Variants in NGLY1 observed in about 807,000 individuals in gnomAD.
The protein encoded by NGLY1 is N-glycanase 1.
A neutral mutation model predicts 84.6 loss-of-function variants in NGLY1; 68 were observed. The observed-to-expected ratio is 0.80, with a 90% CI of 0.66 to 0.98. The LOEUF (loss-of-function observed/expected upper bound fraction) is 0.98, where lower values mean the gene tolerates loss of function less well. Ranked by LOEUF, NGLY1 falls within the 50% of genes least tolerant of loss-of-function variation. The probability of loss-of-function intolerance (pLI) is 0.00; values close to 1 mark genes in which losing one functional copy is unlikely to be tolerated. For synonymous variants in NGLY1, 280 were observed against 275.2 expected, an observed-to-expected ratio of 1.02 and a Z score of -0.17; for missense variants, 779 against 770.2, an observed-to-expected ratio of 1.01 and a Z score of -0.14.
intron 4 of NGLY1, 74 bp downstream of exon 4, chr3:25,751,024 G>T: frequency 6.9e-7 from 1 of 1,446,108 alleles, no homozygotes; most frequent in Non-Finnish European, 9.5e-7. Flanking sequence ...TCAAGGGTCA[G>T]TTGTATTTCA....
intron 6 of NGLY1, 34 bp from the exon 7 acceptor site, chr3:25,736,183 A>T: frequency 6.2e-7 from 1 of 1,602,258 alleles, no homozygotes; most frequent in Non-Finnish European, 8.5e-7. Context: ...GCAATGGAAA[A>T]AAGACAATGA....
chr3:25,732,535 TCCA>T, intron 8 of NGLY1, 52 bp from the exon 9 acceptor site: 1 of 1,404,928 alleles, frequency 7.1e-7, no homozygotes, highest in Non-Finnish European at 9.8e-7. Flanking sequence ...AATGTATAGG[TCCA>T]TCTCTAAGCA....
chr3:25,749,918 T>C, intron 4 of NGLY1: 1 of 722,150 alleles, frequency 1.4e-6, no homozygotes, highest in East Asian at 2.5e-5. Context: ...GCATGTTTTG[T>C]GTTTAAATAA....
chr3:25,770,247 T>C (rs1233196650), intron 2 of NGLY1, among the ~76,000 whole-genome samples: 1 of 152,046 alleles, frequency 6.6e-6, no homozygotes. Context: ...GCCTCCCGGG[T>C]TCTAGTGATT....
rs183216344 is a variant in NGLY1, at chr3:25,776,699, T to A, written c.246+1875A>T. On this transcript the variant is annotated intron_variant, in intron 2 of 11. Coordinates refer to ENST00000280700, the MANE Select transcript of NGLY1 (RefSeq NM_018297.4). ...ATTAATGATACTCCCATCCAATTAG[T>A]TGCTTAAACCAAAACATAGGTAAGT... is the stretch of plus-strand genomic sequence containing the variant. Among the ~76,000 whole-genome samples, 3 of 152,002 alleles carry A rather than the reference T, an allele frequency of 2.0e-5. No individual in the cohort carries two copies. The Admixed American group carries it at 2.0e-4, about 10-fold the overall frequency.
At chr3:25,722,165 C>T (rs140276534) in intron 10 of NGLY1, among the ~76,000 whole-genome samples, 2 of 151,294 alleles carry the variant, frequency 1.3e-5, no homozygotes, top group Non-Finnish European at 1.5e-5. Context: ...TTGCAGTGAG[C>T]GGGATGGTGC....
intron 1 of NGLY1, among the ~76,000 whole-genome samples, chr3:25,788,793 A>C (rs910376764): frequency 6.6e-6 from 1 of 152,266 alleles, no homozygotes. Context: ...TCACTGAATG[A>C]GGATCAACTA....
intron 2 of NGLY1, 70 bp downstream of exon 2, chr3:25,778,504 A>G (rs1325562655): frequency 2.5e-6 from 2 of 787,390 alleles, no homozygotes; most frequent in Admixed American, 2.6e-5. Flanking sequence ...TATTCAAACA[A>G]TTATTCACCA....
intron 10 of NGLY1, among the ~76,000 whole-genome samples, chr3:25,725,570 G>A (rs1403157620): frequency 6.6e-6 from 1 of 152,094 alleles, no homozygotes; most frequent in Non-Finnish European, 1.5e-5. Context: ...GAGTCTTGGG[G>A]ACTAAACCCT....
rs1478546628 is a variant in NGLY1, at chr3:25,755,617, C to G, written c.493-4354G>C. ...AACATGGTTTCATCATAGAACACAG[C>G]CAATGAAGCAAACCCACTGAAGAGA... On this transcript the variant is annotated intron_variant, in intron 3 of 11. Coordinates refer to ENST00000280700, the MANE Select transcript of NGLY1 (RefSeq NM_018297.4). The G allele has an allele frequency of 5.9e-5, 89 of 1,497,618 alleles. 2 individuals are homozygous for G. The highest frequency in any genetic ancestry group is 1.6e-5 in the Non-Finnish European group (17 of 1,077,314). The allele number at this position is 1,497,618 out of a possible 1,614,324, so 92.8% of individuals were successfully genotyped here. A position where few individuals can be genotyped will look rare whatever the true frequency, so the allele number is the denominator to read the frequency against.
chr3:25,749,363 T>C, intron 4 of NGLY1: 1 of 602,054 alleles, frequency 1.7e-6, no homozygotes, highest in Non-Finnish European at 2.9e-6. Flanking sequence ...CATGAATAAA[T>C]GAATAAATGG....
Position 25,754,167 on chromosome 3 carries a change from T to A in NGLY1, c.493-2904A>T, listed in dbSNP as rs188423834. ...TGATAATGTTCATTTACTCAAATTTTATCCTTTATTTGCTAGGTGCTGGGG... is the reference window on the plus strand; with the variant it reads ...TGATAATGTTCATTTACTCAAATTTAATCCTTTATTTGCTAGGTGCTGGGG... On this transcript the variant is annotated intron_variant, in intron 3 of 11. Transcript: ENST00000280700. Among the ~76,000 whole-genome samples, 271 of 152,370 alleles carry A rather than the reference T, an allele frequency of 1.8e-3. 2 individuals carry two copies. The highest frequency in any genetic ancestry group is 6.3e-3 in the African/African-American group (262 of 41,596).
At chr3:25,726,580 G>A (rs1705276270) in intron 10 of NGLY1, among the ~76,000 whole-genome samples, 1 of 152,090 alleles carries the variant, frequency 6.6e-6, no homozygotes, top group Non-Finnish European at 1.5e-5. Flanking sequence ...AAGGGAGAAG[G>A]GACAATATAT....
intron 10 of NGLY1, among the ~76,000 whole-genome samples, chr3:25,721,609 C>T (rs933532497): frequency 4.6e-5 from 7 of 151,582 alleles, no homozygotes; most frequent in South Asian, 4.2e-4. Flanking sequence ...ATTAGCTGGG[C>T]GTGGTGGCAG....
At position 25,755,383 on chromosome 3, in the gene NGLY1, A is replaced by C. The variant is rs1575640144; in HGVS notation, c.493-4120T>G. 3.7e-6 allele frequency: 5 copies of C among 1,362,832 alleles called. No homozygotes were observed. The Admixed American group carries it at 8.4e-5, about 23-fold the overall frequency. The allele number at this position is 1,362,832 out of a possible 1,614,324, so 84.4% of individuals were successfully genotyped here. On this transcript the variant is annotated intron_variant, in intron 3 of 11. Coordinates refer to ENST00000280700, the MANE Select transcript of NGLY1 (RefSeq NM_018297.4). Reference sequence around the variant, plus strand: ...TGACTGTTGGTGCTGTTAGTAGCAAACCTACCACTCCTACTATAGTGACCC... The same window carrying C: ...TGACTGTTGGTGCTGTTAGTAGCAACCCTACCACTCCTACTATAGTGACCC...
chr3:25,734,474 G>C (rs1167013164), intron 7 of NGLY1: 2 of 150,944 alleles, frequency 1.3e-5, no homozygotes, highest in Non-Finnish European at 2.9e-5. Flanking sequence ...AGGCTGAGGT[G>C]AGCAGATCAC....
At chr3:25,730,963 A>G (rs1376508953) in intron 9 of NGLY1, among the ~76,000 whole-genome samples, 1 of 152,130 alleles carries the variant, frequency 6.6e-6, no homozygotes, top group African/African-American at 2.4e-5. Context: ...AGGACAGTCT[A>G]TTATACTGCC....
chr3:25,760,548 T>C (rs570440859), intron 3 of NGLY1, among the ~76,000 whole-genome samples: 1 of 152,242 alleles, frequency 6.6e-6, no homozygotes, highest in East Asian at 1.9e-4. Flanking sequence ...TATGTTCAAA[T>C]AGGTTTCTTC....
rs542738780 is a variant in NGLY1, at chr3:25,726,062, A to G, written c.1611+3071T>C. Reference sequence around the variant, plus strand: ...ATGAATTCTTGACATAATGCCATGCACCCGCCCCCTCACCCCGCCAAAATG... The same window carrying G: ...ATGAATTCTTGACATAATGCCATGCGCCCGCCCCCTCACCCCGCCAAAATG... On this transcript the variant is annotated intron_variant, in intron 10 of 11. Transcript: ENST00000280700. Among the ~76,000 whole-genome samples, 4 of 152,054 alleles carry G rather than the reference A, an allele frequency of 2.6e-5. 1 individual carries two copies. The highest frequency in any genetic ancestry group is 7.2e-5 in the African/African-American group (3 of 41,478).
Sources: allele counts gnomAD v4.1 joint callset (sites outside exome capture counted in the v4.1 genomes callset), GRCh38; gene constraint gnomAD v4.1.1; transcripts MANE v1.5; gene names NCBI Gene and HGNC (gene_info 2026-07-23, HGNC 2026-07-21).